KDM5A: variants seen among roughly 807,000 people sequenced by gnomAD.
The protein encoded by KDM5A is lysine demethylase 5A.
In KDM5A, 42 loss-of-function variants were observed where a neutral mutation model predicts 193.5. The ratio of observed to expected loss-of-function variants is 0.22; its 90% CI spans 0.17 to 0.28. The LOEUF is 0.28. Ranked by LOEUF, KDM5A falls within the 10% of genes least tolerant of loss-of-function variation. The pLI, the probability that KDM5A is intolerant of heterozygous loss-of-function variation, is 1.00. For synonymous variants in KDM5A, 796 were observed against 718.1 expected, an observed-to-expected ratio of 1.11 and a Z score of -1.73; for missense variants, 1,692 against 2,055.1, an observed-to-expected ratio of 0.82 and a Z score of 3.42.
chr12:345,692 G>A (rs1944063409), intron 10 of KDM5A, among the ~76,000 whole-genome samples: 1 of 152,186 alleles, frequency 6.6e-6, no homozygotes, highest in Admixed American at 6.5e-5. Context: ...AATGAAGGCA[G>A]AAATAAAGAT....
chr12:296,214 G>A (rs933646953), intron 25 of KDM5A, among the ~76,000 whole-genome samples: 11 of 151,810 alleles, frequency 7.2e-5, no homozygotes, highest in Non-Finnish European at 1.3e-4. Flanking sequence ...CCAGCTACTC[G>A]GGAGGCTGAG....
At chr12:349,209 G>A (rs1033610954) in intron 10 of KDM5A, among the ~76,000 whole-genome samples, 14 of 151,442 alleles carry the variant, frequency 9.2e-5, no homozygotes, top group South Asian at 4.2e-4. Context: ...TAGTAGAGAC[G>A]GGGTTTCACC....
At chr12:323,486 A>C in intron 15 of KDM5A, 114 bp downstream of exon 15, 1 of 1,113,890 alleles carries the variant, frequency 9.0e-7, no homozygotes, top group Non-Finnish European at 1.3e-6. Context: ...AGAAGTAGAC[A>C]GTGAAGTTTA....
In KDM5A at chr12:297,250, T is replaced by C. The variant is rs774810412; in HGVS notation, c.4075-50A>G. ...TTCAGAATTAGAGTCATTTAACTTA[T>C]TTTATGACAAGGCCCAAAATGGAGG... On this transcript the variant is annotated intron_variant, in intron 24 of 27. Coordinates refer to ENST00000399788, the MANE Select transcript of KDM5A (RefSeq NM_001042603.3). 2.5e-6 allele frequency: 4 copies of C among 1,582,432 alleles called. No homozygotes were observed. In the Admixed American group the frequency reaches 5.0e-5, roughly 20 times the overall value.
At chr12:360,488 AG>A (rs1944280983) in intron 5 of KDM5A, among the ~76,000 whole-genome samples, 1 of 152,218 alleles carries the variant, frequency 6.6e-6, no homozygotes, top group African/African-American at 2.4e-5. Context: ...AGAAAAATCA[AG>A]TTAATCTCAA....
At position 318,396 on chromosome 12, in the gene KDM5A, T is replaced by C; in HGVS notation, c.2607A>G (p.Pro869=). The change falls in exon 19 of 28, where the codon CCA becomes CCG. Residue 869 remains proline (P), a synonymous_variant. Transcript: ENST00000399788. ...RAQEAMMDET[P]DSSKLQMLID... is the part of the protein sequence containing the mutation. ...TCAACATCTGGAGTTTGGAAGAATC[T>C]GGGGTTTCATCCATCATGGCCTCCT... The C allele has an allele frequency of 1.2e-6, 2 of 1,614,160 alleles. No individual in the cohort carries two copies. The highest frequency in any genetic ancestry group is 1.7e-6 in the Non-Finnish European group (2 of 1,179,986).
intron 10 of KDM5A, among the ~76,000 whole-genome samples, chr12:350,378 G>C (rs1217450684): frequency 6.7e-6 from 1 of 150,312 alleles, no homozygotes; most frequent in Non-Finnish European, 1.5e-5. Context: ...GGAGGTTGCG[G>C]TGAGCTAAGC....
At chr12:349,965 C>A (rs1433452857) in intron 10 of KDM5A, among the ~76,000 whole-genome samples, 1 of 151,086 alleles carries the variant, frequency 6.6e-6, no homozygotes, top group Admixed American at 6.6e-5. Context: ...CCCATCTCTA[C>A]TAAAAATACA....
rs538218106 is a variant in KDM5A, at chr12:281,204, G to A, written c.*4252C>T. On this transcript the variant is annotated 3_prime_UTR_variant, in exon 28 of 28. Coordinates refer to ENST00000399788, the MANE Select transcript of KDM5A (RefSeq NM_001042603.3). ...AAACATGCTCAAAGATCAAGAAATCGAGTTATACTTTTCATAAGGCACCAC... is the reference window on the plus strand; with the variant it reads ...AAACATGCTCAAAGATCAAGAAATCAAGTTATACTTTTCATAAGGCACCAC... 4.7e-5 allele frequency: 11 copies of A among 232,950 alleles called. No homozygotes were observed. In the South Asian group the frequency reaches 1.8e-3, roughly 38 times the overall value. 14.4% of individuals were successfully genotyped at this position (232,950 alleles called of 1,614,324 possible).
intron 6 of KDM5A, among the ~76,000 whole-genome samples, chr12:355,960 C>T (rs950608659): frequency 2.0e-5 from 3 of 152,172 alleles, no homozygotes; most frequent in Non-Finnish European, 2.9e-5. Context: ...AACGTGAAGC[C>T]GAGAGTAACA....
chr12:356,503 A>C lies in KDM5A; in HGVS notation c.707T>G (p.Leu236Arg). 6.2e-7 allele frequency: 1 copy of C among 1,613,698 alleles called. No individual in the cohort carries two copies. The highest frequency in any genetic ancestry group is 8.5e-7 in the Non-Finnish European group (1 of 1,179,586). The change falls in exon 6 of 28, where the codon CTG becomes CGG. Residue 236 changes from leucine (L) to arginine (R), a missense_variant. Physicochemically the swap from Leu to Arg is moderately radical, Grantham distance 102. Transcript: ENST00000399788. ...AGCCCCAAAAATCTGAAGTTTCTTCAGTTCCGTGTTTCTACTCACATCTCC... is the reference window on the plus strand; with the variant it reads ...AGCCCCAAAAATCTGAAGTTTCTTCCGTTCCGTGTTTCTACTCACATCTCC... ...ESGDVSRNTE[L>R]KKLQIFGAGP...
At chr12:303,505 C>T (rs149249279) in intron 24 of KDM5A, among the ~76,000 whole-genome samples, 1 of 152,142 alleles carries the variant, frequency 6.6e-6, no homozygotes, top group Non-Finnish European at 1.5e-5. Context: ...CACAGCAGGG[C>T]CTGTCCAGGG....
intron 10 of KDM5A, among the ~76,000 whole-genome samples, chr12:339,811 C>A (rs1172068687): frequency 6.6e-6 from 1 of 151,288 alleles, no homozygotes; most frequent in African/African-American, 2.4e-5. Flanking sequence ...TGTATAACCT[C>A]CACCTACACC....
chr12:306,819 G>A (rs2137385981), intron 24 of KDM5A, 127 bp downstream of exon 24: 1 of 963,338 alleles, frequency 1.0e-6, no homozygotes, highest in Non-Finnish European at 1.6e-6. Context: ...TAAAAACTCA[G>A]AACAGATAAA....
chr12:312,965 A>G, intron 20 of KDM5A, 91 bp downstream of exon 20: 1 of 1,363,344 alleles, frequency 7.3e-7, no homozygotes, highest in Non-Finnish European at 1.0e-6. Flanking sequence ...TTGTATTATG[A>G]TTATTCTATT....
At position 291,900 on chromosome 12, in the gene KDM5A, GCTTTTTTTTTT is replaced by G. The variant is rs569775118; in HGVS notation, c.4866+848_4866+858del. Among the ~76,000 whole-genome samples, 43 of 144,802 alleles carry G rather than the reference GCTTTTTTTTTT, an allele frequency of 3.0e-4. No homozygotes were observed. The East Asian group carries it at 9.1e-3, about 31-fold the overall frequency. The allele number at this position is 144,802 out of a possible 152,430, so 95.0% of individuals were successfully genotyped here. A position where few individuals can be genotyped will look rare whatever the true frequency, so the allele number is the denominator to read the frequency against. On this transcript the variant is annotated intron_variant, in intron 27 of 27. Transcript: ENST00000399788. ...TTAGGGTTGGAAATTTTAAAACAAT[GCTTTTTTTTTT>G]TTTTTTTTGAGACAGAGTTTTGCTC...
intron 3 of KDM5A, among the ~76,000 whole-genome samples, chr12:368,998 T>C (rs987345665): frequency 3.9e-5 from 6 of 152,214 alleles, no homozygotes; most frequent in African/African-American, 1.4e-4. Flanking sequence ...TTTCAACTCT[T>C]GTGCTTTATG....
intron 24 of KDM5A, among the ~76,000 whole-genome samples, chr12:301,434 A>G (rs1214424566): frequency 6.6e-6 from 1 of 152,218 alleles, no homozygotes; most frequent in Non-Finnish European, 1.5e-5. Flanking sequence ...AAACCACATG[A>G]TTATTATCTC....
At chr12:331,675 C>A in intron 13 of KDM5A, 144 bp downstream of exon 13, 1 of 802,140 alleles carries the variant, frequency 1.2e-6, no homozygotes, top group East Asian at 2.5e-5. Flanking sequence ...ACTTAGCTTT[C>A]TAAACTACAA....
Sources: allele counts gnomAD v4.1 joint callset (sites outside exome capture counted in the v4.1 genomes callset), GRCh38; gene constraint gnomAD v4.1.1; transcripts MANE v1.5; gene names NCBI Gene and HGNC (gene_info 2026-07-23, HGNC 2026-07-21).